The following TRRAP variants were observed in gnomAD, a reference collection of about 807,000 sequenced individuals.
The protein encoded by TRRAP is transformation/transcription domain-associated protein.
TRRAP carries 41 observed loss-of-function variants against 438.8 expected under a neutral mutation model. That is an observed-to-expected ratio of 0.09 (90% confidence interval 0.07 to 0.12). The LOEUF is 0.12. TRRAP is among the 10% of genes least tolerant of loss of function. TRRAP has a pLI of 1.00. For synonymous variants in TRRAP, 1,994 were observed against 1,962.9 expected, an observed-to-expected ratio of 1.02 and a Z score of -0.42; for missense variants, 3,122 against 5,055.1, an observed-to-expected ratio of 0.62 and a Z score of 11.60.
Position 98,900,732 on chromosome 7 carries a change from G to T in TRRAP, c.897+12G>T. 4 of 1,604,324 alleles carry T rather than the reference G, an allele frequency of 2.5e-6. No individual in the cohort carries two copies. The South Asian group carries it at 4.5e-5, about 18-fold the overall frequency. ...TCAGGATTTACCAGGTAAGGTCATT[G>T]ACTTTTATGTCAGGTTTATTGAGAT... On this transcript the variant is annotated intron_variant, in intron 11 of 72. Coordinates refer to ENST00000456197, the MANE Select transcript of TRRAP (RefSeq NM_001375524.1).
intron 30 of TRRAP, among the ~76,000 whole-genome samples, chr7:98,941,335 CCGGCTAGTTTTTG>C (rs1478642743): frequency 6.6e-6 from 1 of 152,054 alleles, no homozygotes; most frequent in Admixed American, 6.6e-5. Context: ...GCCACCGTGC[CCGGCTAGTTTTTG>C]CGTTTTTAGT....
intron 4 of TRRAP, among the ~76,000 whole-genome samples, chr7:98,891,496 C>G (rs1006501080): frequency 6.6e-6 from 1 of 150,770 alleles, no homozygotes; most frequent in South Asian, 2.1e-4. Flanking sequence ...CCACTGCGCC[C>G]GGCCTACCAC....
chr7:98,933,551 G>A (rs1554413483), intron 27 of TRRAP, 149 bp downstream of exon 27: 3 of 1,119,338 alleles, frequency 2.7e-6, no homozygotes, highest in Non-Finnish European at 3.7e-6. Flanking sequence ...ACAGCAACCT[G>A]AGCAGGTATG....
intron 3 of TRRAP, among the ~76,000 whole-genome samples, chr7:98,882,303 A>G (rs1171516757): frequency 1.3e-5 from 2 of 151,056 alleles, no homozygotes; most frequent in Non-Finnish European, 2.9e-5. Flanking sequence ...CTTTTAGGCT[A>G]CCATGCCTGT....
chr7:98,933,670 G>T (rs1468602214), intron 27 of TRRAP, among the ~76,000 whole-genome samples: 1 of 152,212 alleles, frequency 6.6e-6, no homozygotes, highest in Non-Finnish European at 1.5e-5. Flanking sequence ...TGAATTTAGG[G>T]CCTCAAGGTT....
Position 99,012,519 on chromosome 7 carries a change from T to A in TRRAP, c.*164T>A. On this transcript the variant is annotated 3_prime_UTR_variant, in exon 73 of 73. Transcript: ENST00000456197. This position sits in a 1 kb window ranked among gnomAD's most constrained non-coding sequence, Gnocchi z 5.9. ...GTTTGCGTGTAAGAAAGGGAGAATA[T>A]AGTTTTAGAGGAAGCTGAACTATGA... 4.6e-6 allele frequency: 4 copies of A among 876,926 alleles called. No individual in the cohort carries two copies. The highest frequency in any genetic ancestry group is 6.8e-6 in the Non-Finnish European group (4 of 591,874). The allele number at this position is 876,926 out of a possible 1,614,324, so 54.3% of individuals were successfully genotyped here.
At chr7:98,967,956 T>TA (rs1792230762) in intron 51 of TRRAP, among the ~76,000 whole-genome samples, 1 of 152,144 alleles carries the variant, frequency 6.6e-6, no homozygotes, top group Non-Finnish European at 1.5e-5. Context: ...TCTTCAAATA[T>TA]AAAAAAGTTT....
At chr7:98,885,345 G>T (rs1449818904) in intron 3 of TRRAP, among the ~76,000 whole-genome samples, 1 of 151,844 alleles carries the variant, frequency 6.6e-6, no homozygotes, top group African/African-American at 2.4e-5. Context: ...GCTTCCCAAG[G>T]TGCTGGTATT....
intron 45 of TRRAP, among the ~76,000 whole-genome samples, chr7:98,960,991 G>C (rs542384653): frequency 7.2e-5 from 11 of 152,138 alleles, no homozygotes; most frequent in Admixed American, 6.5e-4. Flanking sequence ...AACTTTTTTA[G>C]AATTTTACCA....
At chr7:99,007,219 G>A (rs73145604) in intron 69 of TRRAP, among the ~76,000 whole-genome samples, 4,170 of 152,318 alleles carry the variant, frequency 0.027, 85 homozygotes, top group South Asian at 0.054. Flanking sequence ...GGGCACAGCC[G>A]TCCTAGGTGC....
chr7:98,889,961 C>G (rs1243003545), intron 3 of TRRAP, among the ~76,000 whole-genome samples: 2 of 152,064 alleles, frequency 1.3e-5, no homozygotes, highest in Non-Finnish European at 2.9e-5. Context: ...ATACATCTAA[C>G]TAATACATTG....
chr7:98,954,269 G>A (rs961993579), intron 40 of TRRAP, among the ~76,000 whole-genome samples: 3 of 152,208 alleles, frequency 2.0e-5, no homozygotes, highest in South Asian at 4.1e-4. Flanking sequence ...TGTTTCTTCC[G>A]CTCACACGGT....
chr7:98,942,974 T>C lies in TRRAP; in HGVS notation c.4430T>C (p.Val1477Ala). ...CAACATCTGCGCAAGTGGATGGAAG[T>C]GGTGGTGATCACCCACAAAGGGGGC... ...MMQHLRKWME[V>A]VVITHKGGQR... Residue 1477 changes from valine to alanine, a missense_variant, in exon 31 of 73, where the codon GTG becomes GCG. This residue lies in a region of TRRAP where 108 missense variants were observed against 256.9 expected (regional missense o/e 0.42). Coordinates refer to ENST00000456197, the MANE Select transcript of TRRAP (RefSeq NM_001375524.1). The C allele has an allele frequency of 3.7e-6, 6 of 1,614,176 alleles. No homozygotes were observed. The highest frequency in any genetic ancestry group is 5.1e-6 in the Non-Finnish European group (6 of 1,180,040).
At chr7:98,954,940 TAACAG>T (rs1791527966) in intron 40 of TRRAP, among the ~76,000 whole-genome samples, 153 bp from the exon 41 acceptor site, 1 of 152,206 alleles carries the variant, frequency 6.6e-6, no homozygotes, top group Admixed American at 6.5e-5. Context: ...GGTCAAAACT[TAACAG>T]AAAGCAACTA....
intron 1 of TRRAP, 52 bp downstream of exon 1, chr7:98,878,689 C>G (rs1554402520): frequency 1.3e-5 from 2 of 152,108 alleles, no homozygotes; most frequent in African/African-American, 4.8e-5. Context: ...GCGCGGCCCT[C>G]AGGCGCGGGG....
At chr7:99,000,303 G>A (rs1172899831) in intron 67 of TRRAP, among the ~76,000 whole-genome samples, 1 of 152,080 alleles carries the variant, frequency 6.6e-6, no homozygotes, top group Admixed American at 6.5e-5. Context: ...GTCACTGCCC[G>A]GCCATGTATT....
chr7:98,887,542 A>C (rs1214773406), intron 3 of TRRAP, among the ~76,000 whole-genome samples: 2 of 151,862 alleles, frequency 1.3e-5, no homozygotes, highest in African/African-American at 4.8e-5. Context: ...GGCCCCAGAA[A>C]TCTGCACCGA....
chr7:98,887,863 G>A (rs1215395349), intron 3 of TRRAP, among the ~76,000 whole-genome samples: 1 of 151,702 alleles, frequency 6.6e-6, no homozygotes, highest in Non-Finnish European at 1.5e-5. Flanking sequence ...GACAACTCCA[G>A]ATCTTTCTCT....
At chr7:98,954,621 C>A (rs1791506319) in intron 40 of TRRAP, among the ~76,000 whole-genome samples, 1 of 152,220 alleles carries the variant, frequency 6.6e-6, no homozygotes, top group Non-Finnish European at 1.5e-5. Flanking sequence ...GCTTCTAACA[C>A]CCACCCCGTC....
Sources: allele counts gnomAD v4.1 joint callset (sites outside exome capture counted in the v4.1 genomes callset), GRCh38; gene constraint gnomAD v4.1.1; regional missense constraint gnomAD v4.1.1; non-coding constraint Gnocchi (gnomAD v3.1); transcripts MANE v1.5; gene names NCBI Gene and HGNC (gene_info 2026-07-23, HGNC 2026-07-21).